Variants in ASXL3 observed in about 807,000 individuals in gnomAD.
The protein encoded by ASXL3 is putative Polycomb group protein ASXL3.
Under a neutral mutation model 170.6 loss-of-function variants are expected in ASXL3, and 34 were observed. The ratio of observed to expected loss-of-function variants is 0.20; its 90% CI spans 0.15 to 0.27. The LOEUF (loss-of-function observed/expected upper bound fraction) is 0.27. Ranked by LOEUF, ASXL3 falls within the 10% of genes least tolerant of loss-of-function variation. The probability of loss-of-function intolerance (pLI) is 1.00; values close to 1 mark genes in which losing one functional copy is unlikely to be tolerated. For synonymous variants in ASXL3, 1,002 were observed against 989.1 expected, an observed-to-expected ratio of 1.01 and a Z score of -0.24; for missense variants, 2,592 against 2,695.3, an observed-to-expected ratio of 0.96 and a Z score of 0.85.
At chr18:33,728,719 A>AAT (rs1376076158) in intron 8 of ASXL3, among the ~76,000 whole-genome samples, 1 of 152,126 alleles carries the variant, frequency 6.6e-6, no homozygotes, top group Non-Finnish European at 1.5e-5. Flanking sequence ...CCCAGTCATA[A>AAT]ATATATCTCA....
intron 8 of ASXL3, among the ~76,000 whole-genome samples, chr18:33,723,615 A>G (rs1450602439): frequency 6.6e-6 from 1 of 152,168 alleles, no homozygotes; most frequent in South Asian, 2.1e-4. Flanking sequence ...AGCTGTGAAC[A>G]TCGTTGAAGT....
chr18:33,697,200 T>C (rs759816795), intron 8 of ASXL3, among the ~76,000 whole-genome samples: 1 of 152,146 alleles, frequency 6.6e-6, no homozygotes, highest in African/African-American at 2.4e-5. Flanking sequence ...GAAAATGATC[T>C]GAACAGTATC....
chr18:33,643,191 C>T (rs2065870781), intron 2 of ASXL3, among the ~76,000 whole-genome samples: 1 of 151,636 alleles, frequency 6.6e-6, no homozygotes, highest in Non-Finnish European at 1.5e-5. Context: ...ATGCTTTTGT[C>T]TGAAGAATAT....
chr18:33,581,042 G>A (rs1385397969), intron 1 of ASXL3, among the ~76,000 whole-genome samples: 1 of 151,898 alleles, frequency 6.6e-6, no homozygotes, highest in African/African-American at 2.4e-5. Flanking sequence ...GGTGATAACT[G>A]GTCACCATTA....
At chr18:33,676,627 C>A (rs2066434867) in intron 7 of ASXL3, among the ~76,000 whole-genome samples, 1 of 152,118 alleles carries the variant, frequency 6.6e-6, no homozygotes, top group Non-Finnish European at 1.5e-5. Context: ...TTATTATAGA[C>A]CTTGAAAATT....
intron 8 of ASXL3, among the ~76,000 whole-genome samples, chr18:33,724,956 A>G (rs1016118785): frequency 2.0e-5 from 3 of 152,138 alleles, no homozygotes; most frequent in African/African-American, 7.2e-5. Flanking sequence ...ATTCTAAAGA[A>G]TAATATTTTC....
At chr18:33,664,389 G>A (rs2066223882) in intron 5 of ASXL3, among the ~76,000 whole-genome samples, 1 of 152,226 alleles carries the variant, frequency 6.6e-6, no homozygotes, top group East Asian at 1.9e-4. Context: ...CATATGGAAA[G>A]CAATACAGCA....
intron 8 of ASXL3, 145 bp from the exon 9 acceptor site, chr18:33,731,823 C>A: frequency 1.7e-6 from 1 of 600,690 alleles, no homozygotes; most frequent in Admixed American, 3.3e-5. Context: ...CTCTCTCTCT[C>A]CCTTCTCCTT....
At chr18:33,617,140 CAT>C (rs1355990589) in intron 2 of ASXL3, among the ~76,000 whole-genome samples, 6 of 152,204 alleles carry the variant, frequency 3.9e-5, no homozygotes, top group Non-Finnish European at 5.9e-5. Flanking sequence ...GCTTACTACT[CAT>C]ATGTGTTTTC....
chr18:33,668,162 T>A (rs2066287163), intron 5 of ASXL3, among the ~76,000 whole-genome samples: 1 of 152,040 alleles, frequency 6.6e-6, no homozygotes, highest in Admixed American at 6.6e-5. Flanking sequence ...TCTATAAAAT[T>A]CTTCTGTAAT....
chr18:33,728,629 C>G (rs1461083532), intron 8 of ASXL3, among the ~76,000 whole-genome samples: 1 of 152,122 alleles, frequency 6.6e-6, no homozygotes, highest in African/African-American at 2.4e-5. Flanking sequence ...CCCCCATCTC[C>G]CAGAATCATC....
chr18:33,660,423 T>C (rs1289052552), intron 4 of ASXL3, among the ~76,000 whole-genome samples: 3 of 152,152 alleles, frequency 2.0e-5, no homozygotes, highest in Non-Finnish European at 4.4e-5. Flanking sequence ...AGAAGCCACT[T>C]GAGTGTTCTC....
At chr18:33,719,715 T>C (rs1194545428) in intron 8 of ASXL3, among the ~76,000 whole-genome samples, 4 of 151,978 alleles carry the variant, frequency 2.6e-5, no homozygotes, top group African/African-American at 9.7e-5. Context: ...GGATTAGTTC[T>C]CTTATAAGAA....
intron 8 of ASXL3, among the ~76,000 whole-genome samples, chr18:33,718,060 C>G (rs2067194743): frequency 6.6e-6 from 1 of 152,090 alleles, no homozygotes; most frequent in South Asian, 2.1e-4. Flanking sequence ...TGTTTATACT[C>G]CCTAACAAAA....
chr18:33,657,498 A>G (rs745859712), intron 4 of ASXL3, among the ~76,000 whole-genome samples: 2 of 152,150 alleles, frequency 1.3e-5, no homozygotes, highest in Non-Finnish European at 2.9e-5. Context: ...AGGAGGGAAT[A>G]CCAACCATAT....
At chr18:33,635,152 C>T (rs1417037697) in intron 2 of ASXL3, among the ~76,000 whole-genome samples, 4 of 152,090 alleles carry the variant, frequency 2.6e-5, no homozygotes, top group Non-Finnish European at 5.9e-5. Flanking sequence ...TTACTAATTG[C>T]CCTTAAAACC....
At chr18:33,665,585 TTTG>T (rs2066244080) in intron 5 of ASXL3, among the ~76,000 whole-genome samples, 1 of 152,206 alleles carries the variant, frequency 6.6e-6, no homozygotes, top group Admixed American at 6.5e-5. Flanking sequence ...CTTGTGTTTT[TTTG>T]TTGTTAAAAT....
At chr18:33,703,537 G>T (rs924205866) in intron 8 of ASXL3, among the ~76,000 whole-genome samples, 2 of 152,138 alleles carry the variant, frequency 1.3e-5, no homozygotes, top group African/African-American at 4.8e-5. Context: ...GTACTTGCCA[G>T]GTATTTAGCC....
At chr18:33,599,734 T>A (rs547495785) in intron 1 of ASXL3, among the ~76,000 whole-genome samples, 1 of 152,264 alleles carries the variant, frequency 6.6e-6, no homozygotes, top group South Asian at 2.1e-4. Context: ...TTACTTTCAA[T>A]AATCAGCTAT....
Sources: gnomAD v4.1 joint callset for allele counts (sites outside exome capture counted in the v4.1 genomes callset) on GRCh38, gnomAD v4.1.1 for gene constraint, MANE v1.5 for transcripts, NCBI Gene and HGNC (gene_info 2026-07-23, HGNC 2026-07-21) for gene names.